Variants in PRDM1 observed in about 807,000 individuals in gnomAD.
PRDM1 encodes the protein PR/SET domain 1.
A neutral mutation model predicts 62.8 loss-of-function variants in PRDM1; 13 were observed. That is an observed-to-expected ratio of 0.21 (90% CI 0.13 to 0.33). The LOEUF (loss-of-function observed/expected upper bound fraction) is 0.33. Among genes scored for constraint, PRDM1 ranks in the 10% least tolerant of loss-of-function variants. The pLI is 1.00. For synonymous variants in PRDM1, 396 were observed against 417.6 expected, an observed-to-expected ratio of 0.95 and a Z score of 0.63; for missense variants, 895 against 1,058.8, an observed-to-expected ratio of 0.85 and a Z score of 2.15.
At chr6:105,998,951 CTTT>C (rs1772395590) in intron 1 of PRDM1, among the ~76,000 whole-genome samples, 1 of 94,008 alleles carries the variant, frequency 1.1e-5, no homozygotes, top group African/African-American at 3.7e-5. Context: ...TTTTTTTTTT[CTTT>C]TGAGACAAGA....
chr6:106,007,695 A>C (rs888548132), intron 1 of PRDM1, among the ~76,000 whole-genome samples: 12 of 152,154 alleles, frequency 7.9e-5, no homozygotes, highest in African/African-American at 2.4e-4. Flanking sequence ...TTTACCTAAG[A>C]GTTCTCCTGC....
Position 106,029,537 on chromosome 6 carries a change from G to C in PRDM1, c.-67+35898G>C, listed in dbSNP as rs991214273. On this transcript the variant is annotated intron_variant, in intron 1 of 6. Transcript: ENST00000652320. ...TCATCCATGTTGTTGCGTGGATCAAGAGTTCATTCCTTTATGTTGTTGAGT... is the reference window on the plus strand; with the variant it reads ...TCATCCATGTTGTTGCGTGGATCAACAGTTCATTCCTTTATGTTGTTGAGT... Among the ~76,000 whole-genome samples, 5 of 152,286 alleles carry C rather than the reference G, an allele frequency of 3.3e-5. No homozygotes were observed. In the East Asian group the frequency reaches 7.7e-4, roughly 23 times the overall value.
Position 106,104,876 on chromosome 6 carries a change from G to GCCCAAAGAATGT in PRDM1, c.725_736dup (p.Asn242_Lys245dup). ...CCGAGCACTGAGAAAAATGAACTCT[G>GCCCAAAGAATGT]CCCAAAGAATGTCCCAAAGAGAGAG... On this transcript the variant is annotated inframe_insertion, in exon 5 of 7. Coordinates refer to ENST00000369096, the MANE Select transcript of PRDM1 (RefSeq NM_001198.4). 1 of 1,613,966 alleles carries GCCCAAAGAATGT rather than the reference G, an allele frequency of 6.2e-7. No individual in the cohort carries two copies. The highest frequency in any genetic ancestry group is 8.5e-7 in the Non-Finnish European group (1 of 1,179,982).
chr6:106,042,607 G>A (rs374442817), intron 1 of PRDM1, among the ~76,000 whole-genome samples: 1 of 151,942 alleles, frequency 6.6e-6, no homozygotes, highest in Admixed American at 6.6e-5. Flanking sequence ...AAGAATGAAC[G>A]TTTAACTTCT....
At position 106,107,392 on chromosome 6, in the gene PRDM1, C is replaced by T. The variant is rs2114665296; in HGVS notation, c.2384C>T (p.Ser795Leu). Residue 795 changes from serine to leucine, a missense_variant, in exon 7 of 7, where the codon TCA (serine) becomes TTA (leucine). By Grantham distance (145) the Ser-to-Leu change is moderately radical (BLOSUM62 -2). Transcript: ENST00000369096. ...TCAGGGTGCAGCCTTTATGAGTCAT[C>T]AGATCTACCCCTCATGAAGTTGCCT... ...LSSGCSLYES[S>L]DLPLMKLPPS... 6.2e-7 allele frequency: 1 copy of T among 1,613,646 alleles called. No individual in the cohort carries two copies. Among genetic ancestry groups the T allele is most frequent in the Non-Finnish European group, 8.5e-7 (1 of 1,179,880 alleles).
chr6:105,998,929 ATATATT>A (rs1772393371), intron 1 of PRDM1, among the ~76,000 whole-genome samples: 1 of 2,104 alleles, frequency 4.8e-4, no homozygotes, highest in South Asian at 0.024. Context: ...ATATATATAT[ATATATT>A]TTTTTTTTTT....
At chr6:106,074,661 T>TG (rs1417680117) in intron 1 of PRDM1, among the ~76,000 whole-genome samples, 2 of 152,034 alleles carry the variant, frequency 1.3e-5, no homozygotes, top group Non-Finnish European at 2.9e-5. Context: ...AATATTGGGT[T>TG]GGGGGACGAG....
At chr6:106,066,078 T>C (rs541041775) in intron 1 of PRDM1, among the ~76,000 whole-genome samples, 1 of 152,310 alleles carries the variant, frequency 6.6e-6, no homozygotes, top group South Asian at 2.1e-4. Context: ...TGGGAGGCCC[T>C]TGGAGAAACA....
chr6:106,001,725 G>C (rs1442120390), intron 1 of PRDM1, among the ~76,000 whole-genome samples: 1 of 152,108 alleles, frequency 6.6e-6, no homozygotes, highest in Non-Finnish European at 1.5e-5. Flanking sequence ...TTACACTGGA[G>C]AACATTGCTG....
chr6:106,078,660 C>T (rs1773640205), intron 1 of PRDM1, among the ~76,000 whole-genome samples: 4 of 152,126 alleles, frequency 2.6e-5, no homozygotes. Context: ...TCGCTTGAGC[C>T]CAAGAATTTA....
intron 1 of PRDM1, among the ~76,000 whole-genome samples, chr6:106,038,881 C>G (rs944000793): frequency 2.0e-5 from 3 of 152,152 alleles, no homozygotes; most frequent in Admixed American, 6.5e-5. Context: ...ACAAATTTTG[C>G]CAGTGTGTTT....
chr6:106,026,013 C>T (rs1192932104), intron 1 of PRDM1, among the ~76,000 whole-genome samples: 2 of 152,194 alleles, frequency 1.3e-5, no homozygotes, highest in Admixed American at 6.5e-5. Flanking sequence ...TATTCTCTAA[C>T]ACATAAGAAC....
chr6:106,053,444 T>C (rs1165819040), intron 1 of PRDM1, among the ~76,000 whole-genome samples: 2 of 152,100 alleles, frequency 1.3e-5, no homozygotes, highest in African/African-American at 4.8e-5. Flanking sequence ...GTATTTATAG[T>C]TTTAAAAAGA....
chr6:106,098,830 G>A (rs1774184395), intron 3 of PRDM1: 3 of 1,525,824 alleles, frequency 2.0e-6, no homozygotes, highest in Non-Finnish European at 2.7e-6. Flanking sequence ...AGGAAACGGC[G>A]AGTACAGAGG....
intron 1 of PRDM1, among the ~76,000 whole-genome samples, chr6:106,026,306 C>T (rs925216151): frequency 6.6e-6 from 1 of 152,022 alleles, no homozygotes; most frequent in African/African-American, 2.4e-5. Context: ...TGGAGAAACC[C>T]CGTCTCTACT....
chr6:106,104,778 A>C (rs1774393528), intron 4 of PRDM1, 47 bp from the exon 5 acceptor site: 2 of 1,540,858 alleles, frequency 1.3e-6, no homozygotes, highest in South Asian at 2.5e-5. Context: ...GTTTTGCTTC[A>C]GTTCTCTCTA....
chr6:106,017,175 G>A (rs781381175), intron 1 of PRDM1, among the ~76,000 whole-genome samples: 1 of 152,140 alleles, frequency 6.6e-6, no homozygotes, highest in Non-Finnish European at 1.5e-5. Flanking sequence ...TAAGTATTGG[G>A]GAGTCAAAAG....
chr6:106,086,626 C>G, intron 1 of PRDM1, 31 bp downstream of exon 1: 1 of 1,520,628 alleles, frequency 6.6e-7, no homozygotes, highest in Non-Finnish European at 8.9e-7. Flanking sequence ...TTTTTTAATT[C>G]TGAAATTGAT....
chr6:106,065,463 G>A (rs1773417997), intron 1 of PRDM1, among the ~76,000 whole-genome samples: 1 of 152,122 alleles, frequency 6.6e-6, no homozygotes, highest in Admixed American at 6.6e-5. Flanking sequence ...AAGCTGAAAT[G>A]TACACTGGTT....
Sources: gnomAD v4.1 joint callset for allele counts (sites outside exome capture counted in the v4.1 genomes callset) on GRCh38, gnomAD v4.1.1 for gene constraint, MANE v1.5 for transcripts, NCBI Gene and HGNC (gene_info 2026-07-23, HGNC 2026-07-21) for gene names.